The following FARP1 variants were observed in gnomAD, a reference collection of about 807,000 sequenced individuals.
The protein encoded by FARP1 is FERM, ARHGEF and pleckstrin domain-containing protein 1.
FARP1 carries 52 observed loss-of-function variants against 128.8 expected under a neutral mutation model. The ratio of observed to expected loss-of-function variants is 0.40; its 90% CI spans 0.32 to 0.51. FARP1 has a LOEUF of 0.51. FARP1 is among the 20% of genes least tolerant of loss of function. The pLI, the probability that FARP1 is intolerant of heterozygous loss-of-function variation, is 0.45. For synonymous variants in FARP1, 580 were observed against 551.8 expected (o/e 1.05, Z -0.72); for missense variants, 1,333 against 1,367.9 (o/e 0.97, Z 0.40).
intron 3 of FARP1, among the ~76,000 whole-genome samples, chr13:98,349,717 G>T (rs1888334736): frequency 6.8e-6 from 1 of 147,140 alleles, no homozygotes; most frequent in Non-Finnish European, 1.5e-5. Flanking sequence ...ATGCTTACTG[G>T]CCTGATAAAA....
intron 1 of FARP1, among the ~76,000 whole-genome samples, chr13:98,160,369 A>T (rs1876792977): frequency 1.3e-5 from 2 of 152,134 alleles, no homozygotes; most frequent in African/African-American, 4.8e-5. Context: ...CTACTGGATG[A>T]CTTGGGTAGA....
rs1555321124 is a variant in FARP1, at chr13:98,144,218, G to GTT, written c.-24+727_-24+728insTT. 2.7e-3 allele frequency among the ~76,000 whole-genome samples: 406 copies of GTT among 150,358 alleles called. 4 individuals carry two copies. Among genetic ancestry groups the GTT allele is most frequent in the African/African-American group, 8.2e-3 (332 of 40,278 alleles). On this transcript the variant is annotated intron_variant, in intron 1 of 26. Coordinates refer to ENST00000319562, the MANE Select transcript of FARP1 (RefSeq NM_005766.4). ...CCGGAGACTCTGTGTGTGTGTGTGT[G>GTT]TGTGTGTGTTTTATTTGAGGGGGGG...
chr13:98,214,236 T>C (rs9584771), intron 2 of FARP1, among the ~76,000 whole-genome samples: 69,240 of 152,152 alleles, frequency 0.46, 18,031 homozygotes, highest in Non-Finnish European at 0.58. Context: ...TTCGTGCAGC[T>C]GGTGCACATC....
chr13:98,418,583 G>A (rs1444069713), intron 16 of FARP1, among the ~76,000 whole-genome samples: 1 of 152,240 alleles, frequency 6.6e-6, no homozygotes, highest in Non-Finnish European at 1.5e-5. Flanking sequence ...TAGATTCCAT[G>A]TTCTTGAGCA....
At chr13:98,359,598 G>A (rs1281334498) in intron 3 of FARP1, among the ~76,000 whole-genome samples, 4 of 152,180 alleles carry the variant, frequency 2.6e-5, no homozygotes, top group African/African-American at 9.7e-5. Context: ...GACAGACTGC[G>A]TGTACGATGG....
chr13:98,368,632 C>T (rs1298014532), intron 5 of FARP1, among the ~76,000 whole-genome samples: 1 of 152,210 alleles, frequency 6.6e-6, no homozygotes, highest in African/African-American at 2.4e-5. Context: ...TGAGTCAGAC[C>T]TGGCTTCGGC....
intron 1 of FARP1, 32 bp from the exon 2 acceptor site, chr13:98,213,188 G>T: frequency 6.4e-7 from 1 of 1,569,512 alleles, no homozygotes; most frequent in African/African-American, 1.4e-5. Context: ...CTCCTATTCT[G>T]ATGTGTTTTT....
At position 98,232,478 on chromosome 13, in the gene FARP1, G is replaced by A. The variant is rs139343548; in HGVS notation, c.171+19065G>A. Among the ~76,000 whole-genome samples the A allele has an allele frequency of 4.8e-3, 734 of 152,218 alleles. 7 individuals are homozygous for A. Among genetic ancestry groups the A allele is most frequent in the African/African-American group, 0.017 (700 of 41,518 alleles). ...CTTTATTTGCCTTTGCAGATATTGC[G>A]TTTTTTACAAGTTGAAGGTTGGTGG... On this transcript the variant is annotated intron_variant, in intron 2 of 26. Coordinates refer to ENST00000319562, the MANE Select transcript of FARP1 (RefSeq NM_005766.4).
At chr13:98,314,398 G>A (rs567659957) in intron 2 of FARP1, among the ~76,000 whole-genome samples, 1 of 144,486 alleles carries the variant, frequency 6.9e-6, no homozygotes, top group Non-Finnish European at 1.5e-5. Flanking sequence ...TCCTGCCTCA[G>A]CCTCCCGAGT....
chr13:98,310,213 G>C (rs186537698), intron 2 of FARP1, among the ~76,000 whole-genome samples: 2 of 152,166 alleles, frequency 1.3e-5, no homozygotes, highest in African/African-American at 4.8e-5. Context: ...AGCTTTGACA[G>C]TCCTAGACCG....
rs150875243 is a variant in FARP1 at position 98,384,803 on chromosome 13, C to T, written c.570C>T (p.Asp190=). ...AAAATAAATACATACCTCAGCAAGA[C>T]GCACTAGAGGACAAAATCGTGGAAT... ...LAKNKYIPQQ[D]ALEDKIVEFH... The change falls in exon 7 of 27, where the codon GAC becomes GAT. Residue 190 remains aspartate (D), a synonymous_variant. Coordinates refer to ENST00000319562, the MANE Select transcript of FARP1 (RefSeq NM_005766.4). 69 of 1,613,522 alleles carry T rather than the reference C, an allele frequency of 4.3e-5. 1 individual carries two copies. The African/African-American group carries it at 5.3e-4, about 12-fold the overall frequency.
At position 98,390,116 on chromosome 13, in the gene FARP1, T is replaced by G; in HGVS notation, c.1015T>G (p.Phe339Val). 1 of 1,613,272 alleles carries G rather than the reference T, an allele frequency of 6.2e-7. No individual in the cohort carries two copies. The highest frequency in any genetic ancestry group is 8.5e-7 in the Non-Finnish European group (1 of 1,179,778). Residue 339 changes from phenylalanine to valine, a missense_variant, in exon 10 of 27, where the codon TTC becomes GTC. Phe to Val is a conservative substitution (Grantham distance 50). Coordinates refer to ENST00000319562, the MANE Select transcript of FARP1 (RefSeq NM_005766.4). ...VLFSRGSSFRFSGRTQKQVLD... is the reference protein window; with the variant it reads ...VLFSRGSSFRVSGRTQKQVLD... ...CTTTAGCCGGGGGTCATCATTTCGG[T>G]TCAGGTGAGGTCGCCACTTTGTGCC...
intron 1 of FARP1, among the ~76,000 whole-genome samples, chr13:98,194,321 T>C (rs1291648436): frequency 6.6e-6 from 1 of 152,178 alleles, no homozygotes; most frequent in Non-Finnish European, 1.5e-5. Flanking sequence ...TTCACCACGT[T>C]GACCAGGCTG....
chr13:98,380,099 A>G (rs985508755), intron 6 of FARP1, among the ~76,000 whole-genome samples: 3 of 152,190 alleles, frequency 2.0e-5, no homozygotes, highest in Non-Finnish European at 2.9e-5. Flanking sequence ...GATGCCATTG[A>G]GTCGTGTACT....
chr13:98,172,449 C>T (rs1238539271), intron 1 of FARP1, among the ~76,000 whole-genome samples: 3 of 152,022 alleles, frequency 2.0e-5, no homozygotes, highest in Non-Finnish European at 2.9e-5. Flanking sequence ...CCTCACCTCC[C>T]CAGGGGTTGT....
intron 8 of FARP1, among the ~76,000 whole-genome samples, chr13:98,386,399 C>T (rs1240661366): frequency 1.3e-5 from 2 of 152,174 alleles, no homozygotes; most frequent in Non-Finnish European, 2.9e-5. Flanking sequence ...TGATTCTCTG[C>T]ACTCTAAAAT....
intron 2 of FARP1, among the ~76,000 whole-genome samples, chr13:98,299,783 C>T (rs535452422): frequency 2.0e-5 from 3 of 152,332 alleles, no homozygotes; most frequent in East Asian, 3.9e-4. Flanking sequence ...CTGCAACACA[C>T]GACTGCACGG....
At chr13:98,286,515 TTC>T (rs1566834424) in intron 2 of FARP1, among the ~76,000 whole-genome samples, 1 of 152,334 alleles carries the variant, frequency 6.6e-6, no homozygotes, top group East Asian at 1.9e-4. Flanking sequence ...CTGCTTTTGC[TTC>T]TCTCTCTTCT....
chr13:98,393,646 G>A lies in FARP1; in HGVS notation c.1092G>A (p.Lys364=). The A allele has an allele frequency of 6.2e-7, 1 of 1,613,142 alleles. No individual in the cohort carries two copies. Among genetic ancestry groups the A allele is most frequent in the Non-Finnish European group, 8.5e-7 (1 of 1,179,090 alleles). The change falls in exon 12 of 27, where the codon AAG becomes AAA. Residue 364 remains lysine (K), a synonymous_variant. Transcript: ENST00000319562. ...GGHKKVQFER[K]HSKIHSIRSL... is the part of the protein sequence containing the mutation. The stretch of plus-strand genomic sequence containing the variant: ...GATCTTGTGTGATTTTTCCCAGGAA[G>A]CACAGCAAGATTCATTCTATCCGGA...
Sources: allele counts gnomAD v4.1 joint callset (sites outside exome capture counted in the v4.1 genomes callset), GRCh38; gene constraint gnomAD v4.1.1; transcripts MANE v1.5; gene names NCBI Gene and HGNC (gene_info 2026-07-23, HGNC 2026-07-21).